Variants in BASP1 observed in about 807,000 individuals in gnomAD.
The protein encoded by BASP1 is brain abundant membrane attached signal protein 1.
A neutral mutation model predicts 2.2 loss-of-function variants in BASP1; 1 was observed. The observed-to-expected ratio is 0.46, with a 90% CI of 0.16 to 2.17. The LOEUF (loss-of-function observed/expected upper bound fraction) is 2.17, where lower values mean the gene tolerates loss of function less well. BASP1 is among the 30% of genes most tolerant of loss of function. The probability of loss-of-function intolerance (pLI) is 0.27; values close to 1 mark genes in which losing one functional copy is unlikely to be tolerated. For missense variants in BASP1, 352 were observed against 327.2 expected, an observed-to-expected ratio of 1.08 and a Z score of -0.58; for synonymous variants, 187 against 154.2, an observed-to-expected ratio of 1.21 and a Z score of -1.58.
Position 17,275,204 on chromosome 5 carries a change from C to T in BASP1, c.-9-4C>T, listed in dbSNP as rs1327498297. The T allele has an allele frequency of 6.8e-6, 11 of 1,610,932 alleles. No homozygotes were observed. Among genetic ancestry groups the T allele is most frequent in the Non-Finnish European group, 9.3e-6 (11 of 1,178,986 alleles). Reference sequence around the variant, plus strand: ...GTTTTGTTTTGTTTTGTGTTTGCTTCCAGAACTCCAAGATGGGAGGCAAGC... The same window carrying T: ...GTTTTGTTTTGTTTTGTGTTTGCTTTCAGAACTCCAAGATGGGAGGCAAGC... On this transcript the variant is annotated splice_region_variant and splice_polypyrimidine_tract_variant and intron_variant, in intron 1 of 1. Transcript: ENST00000322611. The surrounding 1 kb of genome is among the most constrained non-coding windows in gnomAD (Gnocchi z 5.3).
intron 1 of BASP1, among the ~76,000 whole-genome samples, chr5:17,261,695 C>T (rs10054841): frequency 0.022 from 3,285 of 152,320 alleles, 113 homozygotes; most frequent in African/African-American, 0.075. Context: ...CAGAACTTTG[C>T]GCTGTCAAGA....
chr5:17,247,769 C>T (rs542976292), intron 1 of BASP1, among the ~76,000 whole-genome samples: 7 of 152,228 alleles, frequency 4.6e-5, no homozygotes, highest in Admixed American at 6.5e-5. Context: ...GCTGGCGCTT[C>T]GTATGTACAT....
At chr5:17,229,844 C>T (rs1739593576) in intron 1 of BASP1, among the ~76,000 whole-genome samples, 1 of 146,054 alleles carries the variant, frequency 6.8e-6, no homozygotes, top group Admixed American at 7.0e-5. Flanking sequence ...AGTGCAGTGG[C>T]ACTATCTTGG....
chr5:17,234,333 A>G (rs1739695688), intron 1 of BASP1, among the ~76,000 whole-genome samples: 1 of 152,090 alleles, frequency 6.6e-6, no homozygotes, highest in Non-Finnish European at 1.5e-5. Context: ...TAAATATGTT[A>G]TTGGATTGGA....
At chr5:17,271,489 G>C (rs906639167) in intron 1 of BASP1, among the ~76,000 whole-genome samples, 1 of 152,152 alleles carries the variant, frequency 6.6e-6, no homozygotes, top group African/African-American at 2.4e-5. Context: ...TTAGTGTTTG[G>C]TTAATACATA....
chr5:17,262,288 C>T (rs767455147), intron 1 of BASP1, among the ~76,000 whole-genome samples: 6 of 152,130 alleles, frequency 3.9e-5, no homozygotes, highest in Non-Finnish European at 8.8e-5. Context: ...TTGACATAAA[C>T]ACTTTGCATT....
chr5:17,250,086 C>T (rs945031505), intron 1 of BASP1, among the ~76,000 whole-genome samples: 32 of 152,118 alleles, frequency 2.1e-4, no homozygotes, highest in African/African-American at 7.5e-4. Flanking sequence ...GGGTTACAGA[C>T]ATGTGCCACC....
rs1474087447 is a variant in BASP1 at position 17,251,395 on chromosome 5, T to C, written c.-9-23813T>C. On this transcript the variant is annotated intron_variant, in intron 1 of 1. Coordinates refer to ENST00000322611, the MANE Select transcript of BASP1 (RefSeq NM_006317.5). This position sits in a 1 kb window ranked among gnomAD's most constrained non-coding sequence, Gnocchi z 4.0. The stretch of plus-strand genomic sequence containing the variant: ...TATACAAGTATCAACATATCACATG[T>C]ACCCCTAAAATATATAAAATGATTT... 6.6e-6 allele frequency among the ~76,000 whole-genome samples: 1 copy of C among 152,230 alleles called. No individual in the cohort carries two copies. The highest frequency in any genetic ancestry group is 1.5e-5 in the Non-Finnish European group (1 of 68,046).
intron 1 of BASP1, among the ~76,000 whole-genome samples, chr5:17,255,053 A>G (rs1418774397): frequency 2.6e-5 from 4 of 152,196 alleles, no homozygotes; most frequent in Non-Finnish European, 5.9e-5. Flanking sequence ...TTCATGTTAC[A>G]TGATCATTTA....
rs372900567 is a variant in BASP1, at chr5:17,223,531, C to T, written c.-10+5721C>T. Among the ~76,000 whole-genome samples, 4 of 152,304 alleles carry T rather than the reference C, an allele frequency of 2.6e-5. No individual in the cohort carries two copies. The East Asian group carries it at 7.7e-4, about 29-fold the overall frequency. On this transcript the variant is annotated intron_variant, in intron 1 of 1. Transcript: ENST00000322611. ...AAGTCTGCGGTTTAGAAAACTCCTC[C>T]AGGTGTGGTTAAGAATACGCTAAAT...
chr5:17,265,021 T>G (rs1346986859), intron 1 of BASP1, among the ~76,000 whole-genome samples: 1 of 152,240 alleles, frequency 6.6e-6, no homozygotes, highest in African/African-American at 2.4e-5. Context: ...TATCATTTTC[T>G]TATTTTATAT....
chr5:17,250,444 T>A (rs142748770), intron 1 of BASP1, among the ~76,000 whole-genome samples: 8 of 152,276 alleles, frequency 5.3e-5, no homozygotes, highest in African/African-American at 1.9e-4. Context: ...CATCAATATA[T>A]AATTTATGTG....
chr5:17,234,355 T>A (rs1258221114), intron 1 of BASP1, among the ~76,000 whole-genome samples: 2 of 152,130 alleles, frequency 1.3e-5, no homozygotes, highest in Non-Finnish European at 2.9e-5. Flanking sequence ...GAGCAAGATA[T>A]ACACTTACAC....
At chr5:17,250,588 G>GTTTAT (rs1561171846) in intron 1 of BASP1, among the ~76,000 whole-genome samples, 1 of 152,010 alleles carries the variant, frequency 6.6e-6, no homozygotes. Context: ...ATGTATTGAA[G>GTTTAT]TTTATTTTTA....
At chr5:17,256,142 A>G (rs1363505263) in intron 1 of BASP1, among the ~76,000 whole-genome samples, 3 of 152,218 alleles carry the variant, frequency 2.0e-5, no homozygotes, top group Admixed American at 2.0e-4. Flanking sequence ...CATATCTCAG[A>G]GCACAAACAA....
chr5:17,272,138 C>T (rs1203920212), intron 1 of BASP1, among the ~76,000 whole-genome samples: 1 of 151,652 alleles, frequency 6.6e-6, no homozygotes, highest in Non-Finnish European at 1.5e-5. Context: ...TCATTGCTTT[C>T]TCTTGGTAAA....
intron 1 of BASP1, among the ~76,000 whole-genome samples, chr5:17,262,971 C>T (rs975251004): frequency 2.0e-5 from 3 of 152,036 alleles, no homozygotes; most frequent in Non-Finnish European, 2.9e-5. Context: ...CTCAGCCTCC[C>T]GAGTAACTGA....
intron 1 of BASP1, among the ~76,000 whole-genome samples, chr5:17,218,855 G>C (rs1005592964): frequency 2.4e-4 from 36 of 151,178 alleles, no homozygotes; most frequent in Non-Finnish European, 3.8e-4. Flanking sequence ...TTCATCGAAC[G>C]CTTGGCCAGG....
chr5:17,232,023 A>G (rs1238267198), intron 1 of BASP1, among the ~76,000 whole-genome samples: 1 of 152,256 alleles, frequency 6.6e-6, no homozygotes. Flanking sequence ...GATGAACTCC[A>G]ATTACAGTAA....
Sources: allele counts gnomAD v4.1 joint callset (sites outside exome capture counted in the v4.1 genomes callset), GRCh38; gene constraint gnomAD v4.1.1; non-coding constraint Gnocchi (gnomAD v3.1); transcripts MANE v1.5; gene names NCBI Gene and HGNC (gene_info 2026-07-23, HGNC 2026-07-21).